Variants in RRP7A observed in about 807,000 individuals in gnomAD.
RRP7A encodes ribosomal RNA processing 7 homolog A.
Under a neutral mutation model 38.4 loss-of-function variants are expected in RRP7A, and 27 were observed. The ratio of observed to expected loss-of-function variants is 0.70; its 90% CI spans 0.52 to 0.97. The LOEUF is 0.97. Ranked by LOEUF, RRP7A falls within the 50% of genes least tolerant of loss-of-function variation. RRP7A has a pLI of 0.00. For missense variants in RRP7A, 327 were observed against 375.4 expected (o/e 0.87, Z 1.07); for synonymous variants, 124 against 150.3 (o/e 0.83, Z 1.28).
At position 42,509,663 on chromosome 22, in the gene RRP7A, G is replaced by T. The variant is rs1034234054; in HGVS notation, c.*3247C>A. ...CGATTTTTAAGCCATAAAAAGAAAC[G>T]AAGCACTGACATGGGCTCCAGCATG... On this transcript the variant is annotated 3_prime_UTR_variant, in exon 7 of 7. Transcript: ENST00000323013. 6.6e-6 allele frequency among the ~76,000 whole-genome samples: 1 copy of T among 151,858 alleles called. No individual in the cohort carries two copies. Among genetic ancestry groups the T allele is most frequent in the Non-Finnish European group, 1.5e-5 (1 of 67,976 alleles).
rs533989657 is a variant in RRP7A, at chr22:42,511,927, G to T, written c.*983C>A. The T allele has an allele frequency of 2.7e-5, 18 of 669,664 alleles. No homozygotes were observed. In the East Asian group the frequency reaches 4.3e-4, roughly 16 times the overall value. 41.5% of individuals were successfully genotyped at this position (669,664 alleles called of 1,614,324 possible). On this transcript the variant is annotated 3_prime_UTR_variant, in exon 7 of 7. Transcript: ENST00000323013. ...CCCTGGGAGGCCTCCAAGTCCCTAA[G>T]GTTAGACATCTCCTGGGGTGCTATG...
chr22:42,510,768 A>T lies in RRP7A; in HGVS notation c.*2142T>A, dbSNP rs535297168. On this transcript the variant is annotated 3_prime_UTR_variant, in exon 7 of 7. Transcript: ENST00000323013. ...AGCTGGTGTCCAGCCACTGTCGCCC[A>T]CTCTGGTCCCACCTCACCCATCTCT... 1 of 1,448,982 alleles carries T rather than the reference A, an allele frequency of 6.9e-7. No homozygotes were observed. Among genetic ancestry groups the T allele is most frequent in the Non-Finnish European group, 9.2e-7 (1 of 1,087,908 alleles). 89.8% of individuals were successfully genotyped at this position (1,448,982 alleles called of 1,614,324 possible).
Position 42,514,282 on chromosome 22 carries a change from T to C in RRP7A, c.581A>G (p.Glu194Gly), listed in dbSNP as rs1370406900. The C allele has an allele frequency of 6.3e-7, 1 of 1,592,668 alleles. No homozygotes were observed. The highest frequency in any genetic ancestry group is 8.6e-7 in the Non-Finnish European group (1 of 1,168,270). Residue 194 changes from glutamate (E) to glycine (G), a missense_variant, in exon 6 of 7, where the codon GAG (glutamate) becomes GGG (glycine). Physicochemically the swap from Glu to Gly is moderately conservative, Grantham distance 98. Around this residue, in one of 5 missense-constraint regions of RRP7A, gnomAD observed 46 missense variants for 93.0 expected, o/e 0.49. Coordinates refer to ENST00000323013, the MANE Select transcript of RRP7A (RefSeq NM_015703.5). ...IAEEEAKAKEEEGVPDEEGWV... is the reference protein window; with the variant it reads ...IAEEEAKAKEGEGVPDEEGWV... ...GCCCTCCTCGTCAGGGACCCCCTCC[T>C]CCTCCTTGGCCTTAGCTTCTTCCTG...
At position 42,509,807 on chromosome 22, in the gene RRP7A, A is replaced by G. The variant is rs1376576917; in HGVS notation, c.*3103T>C. 2.9e-5 allele frequency among the ~76,000 whole-genome samples: 2 copies of G among 68,068 alleles called. No homozygotes were observed. The highest frequency in any genetic ancestry group is 5.0e-5 in the Non-Finnish European group (2 of 39,662). 44.7% of individuals were successfully genotyped at this position (68,068 alleles called of 152,430 possible). ...CACACGGCAGAGACAAAGCCAGGTC[A>G]TGGTTGCTCAGGACCGGAAGCCTGT... On this transcript the variant is annotated 3_prime_UTR_variant, in exon 7 of 7. Coordinates refer to ENST00000323013, the MANE Select transcript of RRP7A (RefSeq NM_015703.5).
In RRP7A at chr22:42,519,636, C is replaced by A. The variant is rs571657049; in HGVS notation, c.73+78G>T. 44 of 1,236,904 alleles carry A rather than the reference C, an allele frequency of 3.6e-5. No homozygotes were observed. In the South Asian group the frequency reaches 6.6e-4, roughly 19 times the overall value. 76.6% of individuals were successfully genotyped at this position (1,236,904 alleles called of 1,614,324 possible). A position where few individuals can be genotyped will look rare whatever the true frequency, so the allele number is the denominator to read the frequency against. Reference sequence around the variant, plus strand: ...CCAACCGTGCGGCCGCTCCTGGGGACCCCCGGCCGTCGCCAACCCCCAAAC... The same window carrying A: ...CCAACCGTGCGGCCGCTCCTGGGGAACCCCGGCCGTCGCCAACCCCCAAAC... On this transcript the variant is annotated intron_variant, in intron 1 of 6. Transcript: ENST00000323013.
In RRP7A at chr22:42,512,094, C is replaced by G; in HGVS notation, c.*816G>C. 2 of 1,463,464 alleles carry G rather than the reference C, an allele frequency of 1.4e-6. No homozygotes were observed. Among genetic ancestry groups the G allele is most frequent in the Non-Finnish European group, 1.9e-6 (2 of 1,041,756 alleles). 90.7% of individuals were successfully genotyped at this position (1,463,464 alleles called of 1,614,324 possible). ...CCTAGGCTCCTCTGGCCACATCTCA[C>G]TACCCACCCCCTCCCCTCTCCAGCG... is the stretch of plus-strand genomic sequence containing the variant. On this transcript the variant is annotated 3_prime_UTR_variant, in exon 7 of 7. Coordinates refer to ENST00000323013, the MANE Select transcript of RRP7A (RefSeq NM_015703.5).
At position 42,510,769 on chromosome 22, in the gene RRP7A, C is replaced by G; in HGVS notation, c.*2141G>C. The G allele has an allele frequency of 6.9e-6, 10 of 1,449,762 alleles. No individual in the cohort carries two copies. The highest frequency in any genetic ancestry group is 9.2e-6 in the Non-Finnish European group (10 of 1,088,474). The allele number at this position is 1,449,762 out of a possible 1,614,324, so 89.8% of individuals were successfully genotyped here. On this transcript the variant is annotated 3_prime_UTR_variant, in exon 7 of 7. Coordinates refer to ENST00000323013, the MANE Select transcript of RRP7A (RefSeq NM_015703.5). ...GCTGGTGTCCAGCCACTGTCGCCCA[C>G]TCTGGTCCCACCTCACCCATCTCTT...
chr22:42,511,208 ACT>A lies in RRP7A; in HGVS notation c.*1700_*1701del, dbSNP rs1569258487. The A allele has an allele frequency of 5.4e-5, 8 of 147,664 alleles. No homozygotes were observed. The South Asian group carries it at 1.7e-3, about 31-fold the overall frequency. The allele number at this position is 147,664 out of a possible 1,614,324, so 9.1% of individuals were successfully genotyped here. A position where few individuals can be genotyped will look rare whatever the true frequency, so the allele number is the denominator to read the frequency against. ...TTTTTTTTTTTTGAGATGGAGTCTC[ACT>A]CTGTCGCTCAGGCTGGAGTGCAGTG... On this transcript the variant is annotated 3_prime_UTR_variant, in exon 7 of 7. Coordinates refer to ENST00000323013, the MANE Select transcript of RRP7A (RefSeq NM_015703.5).
chr22:42,510,657 G>C lies in RRP7A; in HGVS notation c.*2253C>G. On this transcript the variant is annotated 3_prime_UTR_variant, in exon 7 of 7. Transcript: ENST00000323013. ...GCAGTCCACGGATATTTTGATCCAA[G>C]AGAGAATTACTCTGACAAGGAGTCC... is the stretch of plus-strand genomic sequence containing the variant. 1 of 1,380,810 alleles carries C rather than the reference G, an allele frequency of 7.2e-7. No individual in the cohort carries two copies. The highest frequency in any genetic ancestry group is 1.0e-6 in the Non-Finnish European group (1 of 994,610). 85.5% of individuals were successfully genotyped at this position (1,380,810 alleles called of 1,614,324 possible).
chr22:42,513,996 C>A (rs1920923722), intron 6 of RRP7A, 110 bp downstream of exon 6: 1 of 936,724 alleles, frequency 1.1e-6, no homozygotes, highest in African/African-American at 1.6e-5. Flanking sequence ...GGACGCCCTC[C>A]CTCCTCGACC....
In RRP7A at chr22:42,519,520, T is replaced by G. The variant is rs867600633; in HGVS notation, c.73+194A>C. ...CCAAGTTGGGCTCGCCCCGGGAGAG[T>G]GAGCAGGCAGAAGGGCGCCGCCTGG... is the stretch of plus-strand genomic sequence containing the variant. On this transcript the variant is annotated intron_variant, in intron 1 of 6. Transcript: ENST00000323013. Among the ~76,000 whole-genome samples the G allele has an allele frequency of 1.7e-4, 25 of 151,402 alleles. 1 individual carries two copies. The South Asian group carries it at 5.2e-3, about 32-fold the overall frequency.
In RRP7A at chr22:42,509,424, C is replaced by A. The variant is rs1932374105; in HGVS notation, c.*3486G>T. 6.6e-6 allele frequency among the ~76,000 whole-genome samples: 1 copy of A among 150,816 alleles called. No individual in the cohort carries two copies. The highest frequency in any genetic ancestry group is 1.5e-5 in the Non-Finnish European group (1 of 67,432). ...CTCGACTCACTGCAACCTCTGCCTC[C>A]TGGATTCAAACGATTCTCCTGCCTC... On this transcript the variant is annotated 3_prime_UTR_variant, in exon 7 of 7. Coordinates refer to ENST00000323013, the MANE Select transcript of RRP7A (RefSeq NM_015703.5).
intron 1 of RRP7A, among the ~76,000 whole-genome samples, chr22:42,519,472 G>A (rs1920941597): frequency 6.6e-6 from 1 of 152,128 alleles, no homozygotes; most frequent in Admixed American, 6.5e-5. Context: ...GACAGAGGCG[G>A]GCTCACCCAA....
rs1442609052 is a variant in RRP7A, at chr22:42,514,790, G to A, written c.461-11C>T. 1.9e-6 allele frequency: 3 copies of A among 1,599,922 alleles called. No homozygotes were observed. The Admixed American group carries it at 5.1e-5, about 27-fold the overall frequency. On this transcript the variant is annotated splice_polypyrimidine_tract_variant and intron_variant, in intron 4 of 6. Transcript: ENST00000323013. ...AGTCACTGATCCACTCTGAGGAAAA[G>A]GGAGCCAGGGAAACGGGGCTTCCTC...
Position 42,510,395 on chromosome 22 carries a change from G to A in RRP7A, c.*2515C>T, listed in dbSNP as rs1407862169. On this transcript the variant is annotated 3_prime_UTR_variant, in exon 7 of 7. Coordinates refer to ENST00000323013, the MANE Select transcript of RRP7A (RefSeq NM_015703.5). ...TGTGACCAAGTCCTGAACTCCCTGCGCCCCAGCAAGGCTGTGCCTTCAGCA... is the reference window on the plus strand; with the variant it reads ...TGTGACCAAGTCCTGAACTCCCTGCACCCCAGCAAGGCTGTGCCTTCAGCA... 3.6e-5 allele frequency: 8 copies of A among 220,718 alleles called. No individual in the cohort carries two copies. The highest frequency in any genetic ancestry group is 1.1e-4 in the East Asian group (1 of 9,090). The allele number at this position is 220,718 out of a possible 1,614,324, so 13.7% of individuals were successfully genotyped here. A position where few individuals can be genotyped will look rare whatever the true frequency, so the allele number is the denominator to read the frequency against.
intron 4 of RRP7A, 117 bp from the exon 5 acceptor site, chr22:42,514,896 AAGG>A: frequency 2.2e-6 from 2 of 903,204 alleles, no homozygotes; most frequent in Admixed American, 4.4e-5. Context: ...CACAGGTGCT[AAGG>A]AGATCCCAGG....
chr22:42,515,516 T>G (rs1920927302), intron 3 of RRP7A, among the ~76,000 whole-genome samples: 1 of 152,246 alleles, frequency 6.6e-6, no homozygotes. Context: ...ATACAGAGGC[T>G]TCTTTTCTTC....
In RRP7A at chr22:42,509,694, G is replaced by A. The variant is rs1932384540; in HGVS notation, c.*3216C>T. Among the ~76,000 whole-genome samples the A allele has an allele frequency of 6.6e-6, 1 of 151,958 alleles. No homozygotes were observed. Among genetic ancestry groups the A allele is most frequent in the African/African-American group, 2.4e-5 (1 of 41,378 alleles). On this transcript the variant is annotated 3_prime_UTR_variant, in exon 7 of 7. Transcript: ENST00000323013. ...CTGACATGGGCTCCAGCATGGATGA[G>A]CCTTGAAAACATCGCACTAAGTGGA...
In RRP7A at chr22:42,512,481, G is replaced by A. The variant is rs1351318644; in HGVS notation, c.*429C>T. The A allele has an allele frequency of 5.3e-6, 3 of 570,226 alleles. No homozygotes were observed. The highest frequency in any genetic ancestry group is 1.9e-5 in the African/African-American group (1 of 53,246). The allele number at this position is 570,226 out of a possible 1,614,324, so 35.3% of individuals were successfully genotyped here. A position where few individuals can be genotyped will look rare whatever the true frequency, so the allele number is the denominator to read the frequency against. On this transcript the variant is annotated 3_prime_UTR_variant, in exon 7 of 7. Coordinates refer to ENST00000323013, the MANE Select transcript of RRP7A (RefSeq NM_015703.5). ...GGCTAATAATCTCCAGCCAGCTGGA[G>A]GAAGGAAGGGCGGGCTGGGCCCACC...
Sources: allele counts gnomAD v4.1 joint callset (sites outside exome capture counted in the v4.1 genomes callset), GRCh38; gene constraint gnomAD v4.1.1; regional missense constraint gnomAD v4.1.1; transcripts MANE v1.5; gene names NCBI Gene and HGNC (gene_info 2026-07-23, HGNC 2026-07-21).